GABRG3: variants seen among roughly 807,000 people sequenced by gnomAD.
GABRG3 encodes gamma-aminobutyric acid type A receptor subunit gamma3, also known as gamma-aminobutyric acid receptor subunit gamma-3.
Under a neutral mutation model 48.8 loss-of-function variants are expected in GABRG3, and 25 were observed. The ratio of observed to expected loss-of-function variants is 0.51; its 90% CI spans 0.37 to 0.72. GABRG3 has a LOEUF of 0.72. Among genes scored for constraint, GABRG3 ranks in the 30% least tolerant of loss-of-function variants. The pLI is 0.00. For missense variants in GABRG3, 394 were observed against 577.9 expected (o/e 0.68, Z 3.26); for synonymous variants, 227 against 217.6 (o/e 1.04, Z -0.38).
intron 3 of GABRG3, among the ~76,000 whole-genome samples, chr15:27,249,191 C>T (rs1240984999): frequency 6.6e-6 from 1 of 152,172 alleles, no homozygotes; most frequent in East Asian, 1.9e-4. Context: ...CCCGGCCACC[C>T]AGATACCCTG....
intron 3 of GABRG3, among the ~76,000 whole-genome samples, chr15:27,139,077 G>A (rs1306171990): frequency 6.6e-6 from 1 of 152,138 alleles, no homozygotes; most frequent in Non-Finnish European, 1.5e-5. Context: ...CAGACAGAGA[G>A]AGAGGTGTAT....
intron 5 of GABRG3, among the ~76,000 whole-genome samples, chr15:27,476,629 T>G (rs1232401243): frequency 6.6e-6 from 1 of 151,672 alleles, no homozygotes; most frequent in Non-Finnish European, 1.5e-5. Context: ...ATCCAGTGAG[T>G]GGAACAAAAT....
At chr15:27,483,577 A>C (rs1369065715) in intron 6 of GABRG3, among the ~76,000 whole-genome samples, 1 of 152,204 alleles carries the variant, frequency 6.6e-6, no homozygotes, top group Non-Finnish European at 1.5e-5. Context: ...TTTCAGTTGC[A>C]CTGGGAAATG....
chr15:27,360,322 G>T (rs980784403), intron 5 of GABRG3, among the ~76,000 whole-genome samples: 1 of 152,274 alleles, frequency 6.6e-6, no homozygotes, highest in Admixed American at 6.5e-5. Context: ...ACTTGACAAG[G>T]TCGGGTGGAA....
chr15:27,303,657 G>GA (rs1005901754), intron 3 of GABRG3, among the ~76,000 whole-genome samples: 5 of 150,306 alleles, frequency 3.3e-5, no homozygotes, highest in Middle Eastern at 6.9e-3. Context: ...AATCTGACAA[G>GA]AAAAAAGAAA....
At chr15:27,270,849 A>G (rs1183390783) in intron 3 of GABRG3, among the ~76,000 whole-genome samples, 3 of 151,796 alleles carry the variant, frequency 2.0e-5, no homozygotes, top group Non-Finnish European at 4.4e-5. Flanking sequence ...AATGTGTAAC[A>G]TTATTTCATG....
intron 3 of GABRG3, among the ~76,000 whole-genome samples, chr15:27,153,637 CTTTGA>C (rs959260825): frequency 1.3e-5 from 2 of 152,086 alleles, no homozygotes; most frequent in Admixed American, 6.5e-5. Flanking sequence ...TTTAGATCTT[CTTTGA>C]TTTCTTTCAT....
rs932288744 is a variant in GABRG3 at position 26,975,063 on chromosome 15, G to A, written c.54-1939G>A. On this transcript the variant is annotated intron_variant, in intron 1 of 9. Transcript: ENST00000615808. This position sits in a 1 kb window ranked among gnomAD's most constrained non-coding sequence, Gnocchi z 4.6. ...TAATTTTTTTTGTATTTTTAGTAGA[G>A]ACGGGGTTTCACCCTGTTGGCCAGG... Among the ~76,000 whole-genome samples the A allele has an allele frequency of 5.3e-5, 8 of 151,878 alleles. No individual in the cohort carries two copies. Among genetic ancestry groups the A allele is most frequent in the South Asian group, 2.1e-4 (1 of 4,812 alleles).
At chr15:27,124,844 C>G (rs752221351) in intron 3 of GABRG3, among the ~76,000 whole-genome samples, 2 of 152,184 alleles carry the variant, frequency 1.3e-5, no homozygotes, top group African/African-American at 2.4e-5. Flanking sequence ...GAAAAATAGA[C>G]TTTGAAAGCT....
intron 2 of GABRG3, among the ~76,000 whole-genome samples, chr15:27,014,975 T>G (rs539540018): frequency 9.2e-5 from 14 of 152,350 alleles, no homozygotes; most frequent in African/African-American, 3.4e-4. Context: ...TACTTATGGT[T>G]GTTATGTCTT....
chr15:27,388,108 G>A (rs1336608883), intron 5 of GABRG3, among the ~76,000 whole-genome samples: 3 of 64,090 alleles, frequency 4.7e-5, no homozygotes, highest in Admixed American at 1.5e-4. Context: ...GGGAGGGAGG[G>A]AAAAGAAGGA....
At chr15:27,001,493 C>T (rs968874254) in intron 2 of GABRG3, among the ~76,000 whole-genome samples, 2 of 152,212 alleles carry the variant, frequency 1.3e-5, no homozygotes, top group African/African-American at 4.8e-5. Flanking sequence ...GGCTGCTTCT[C>T]TGCAGGTTAG....
chr15:27,013,216 G>T (rs1394260239), intron 2 of GABRG3, among the ~76,000 whole-genome samples: 1 of 152,026 alleles, frequency 6.6e-6, no homozygotes, highest in Non-Finnish European at 1.5e-5. Flanking sequence ...TGTCCTCAAA[G>T]TTCATCCACC....
rs901060080 is a variant in GABRG3, at chr15:27,540,220, T to A, written c.*7339T>A. 1 of 152,280 alleles carries A rather than the reference T, an allele frequency of 6.6e-6. No individual in the cohort carries two copies. Among genetic ancestry groups the A allele is most frequent in the Non-Finnish European group, 1.5e-5 (1 of 68,048 alleles). The allele number at this position is 152,280 out of a possible 1,614,324, so 9.4% of individuals were successfully genotyped here. ...TGCCTCAATCAGAATTTCAAATTAC[T>A]ATTTAGAAGAACATTCCATTCAATT... is the stretch of plus-strand genomic sequence containing the variant. On this transcript the variant is annotated 3_prime_UTR_variant, in exon 10 of 10. Coordinates refer to ENST00000615808, the MANE Select transcript of GABRG3 (RefSeq NM_033223.5).
rs781522661 is a variant in GABRG3 at position 27,527,566 on chromosome 15, G to A, written c.999G>A (p.Glu333=). The A allele has an allele frequency of 6.2e-7, 1 of 1,613,868 alleles. No homozygotes were observed. The highest frequency in any genetic ancestry group is 1.7e-5 in the Admixed American group (1 of 59,990). ...TGTTTGTCTTCGCCGCGCTGATGGAGTATGCCACCCTCAACTACTATTCCA... is the reference window on the plus strand; with the variant it reads ...TGTTTGTCTTCGCCGCGCTGATGGAATATGCCACCCTCAACTACTATTCCA... The part of the protein sequence containing the change: ...CFLFVFAALM[E]YATLNYYSSC... Residue 333 remains glutamate, a synonymous_variant, in exon 8 of 10, where the codon GAG becomes GAA. Transcript: ENST00000615808.
At chr15:27,307,261 T>TATATGTTTATATATAACCATAGGTTTA in intron 3 of GABRG3, among the ~76,000 whole-genome samples, 1 of 40,118 alleles carries the variant, frequency 2.5e-5, no homozygotes, top group East Asian at 4.9e-4. Context: ...CATGTTCATA[T>TATATGTTTATATATAACCATAGGTTTA]TATATGTTTA....
intron 2 of GABRG3, among the ~76,000 whole-genome samples, chr15:26,992,601 T>C (rs921737990): frequency 2.0e-5 from 3 of 152,180 alleles, no homozygotes; most frequent in African/African-American, 4.8e-5. Context: ...TCTAAATTCA[T>C]TGTTGAATTC....
chr15:27,112,044 G>A (rs550015961), intron 3 of GABRG3, among the ~76,000 whole-genome samples: 25 of 152,258 alleles, frequency 1.6e-4, no homozygotes, highest in African/African-American at 5.8e-4. Flanking sequence ...TTGAAGAAAA[G>A]TTCAGTAAAG....
intron 3 of GABRG3, among the ~76,000 whole-genome samples, chr15:27,151,345 C>A (rs1490404051): frequency 8.0e-6 from 1 of 124,240 alleles, no homozygotes; most frequent in African/African-American, 3.4e-5. Flanking sequence ...CAGACTGCTA[C>A]CTTTTGGGAC....
Sources: allele counts gnomAD v4.1 joint callset (sites outside exome capture counted in the v4.1 genomes callset), GRCh38; gene constraint gnomAD v4.1.1; non-coding constraint Gnocchi (gnomAD v3.1); transcripts MANE v1.5; gene names NCBI Gene and HGNC (gene_info 2026-07-23, HGNC 2026-07-21).